The following MAMLD1 variants were observed in gnomAD, a reference collection of about 807,000 sequenced individuals.
MAMLD1 encodes the protein mastermind-like domain-containing protein 1.
In MAMLD1, 14 loss-of-function variants were observed where a neutral mutation model predicts 45.0. The observed-to-expected ratio is 0.31, with a 90% CI of 0.21 to 0.49. MAMLD1 has a LOEUF of 0.49. MAMLD1 is among the 20% of genes least tolerant of loss of function. The probability of loss-of-function intolerance (pLI) is 0.99; values close to 1 mark genes in which losing one functional copy is unlikely to be tolerated. For synonymous variants in MAMLD1, 254 were observed against 247.8 expected (o/e 1.02, Z -0.24); for missense variants, 543 against 603.6 (o/e 0.90, Z 1.05).
rs186952737 is a variant in MAMLD1 at position 150,384,422 on chromosome X, G to A, written c.-64+20892G>A. Reference sequence around the variant, plus strand: ...CCATTTGTATATCTTCTTTGGAGAAGTGTTTATGCAGAGCCTTTGCCCATT... The same window carrying A: ...CCATTTGTATATCTTCTTTGGAGAAATGTTTATGCAGAGCCTTTGCCCATT... On this transcript the variant is annotated intron_variant, in intron 1 of 7. Coordinates refer to ENST00000370401, the MANE Select transcript of MAMLD1 (RefSeq NM_005491.5). 2.0e-4 allele frequency among the ~76,000 whole-genome samples: 22 copies of A among 111,810 alleles called. No homozygotes were observed. In the East Asian group the frequency reaches 5.8e-3, roughly 30 times the overall value.
chrX:150,427,086 C>G (rs1392321909), intron 1 of MAMLD1, among the ~76,000 whole-genome samples: 3 of 111,263 alleles, frequency 2.7e-5, no homozygotes, highest in Non-Finnish European at 3.8e-5. Context: ...AGTGTTCTCT[C>G]TGTGTGCATG....
At position 150,512,315 on chromosome X, in the gene MAMLD1, C is replaced by A. The variant is rs2037924090; in HGVS notation, c.*356C>A. 4 of 1,129,830 alleles carry A rather than the reference C, an allele frequency of 3.5e-6. No homozygotes were observed. In the East Asian group the frequency reaches 1.3e-4, roughly 37 times the overall value. The allele number at this position is 1,129,830 out of a possible 1,213,427, so 93.1% of individuals were successfully genotyped here. On this transcript the variant is annotated 3_prime_UTR_variant, in exon 8 of 8. Transcript: ENST00000370401. Reference sequence around the variant, plus strand: ...GGCCACCCCACCAGAAGTGCCCCTGCCTGGGTTCTGTCCCAGCTCCCTGGG... The same window carrying A: ...GGCCACCCCACCAGAAGTGCCCCTGACTGGGTTCTGTCCCAGCTCCCTGGG...
At chrX:150,445,672 C>G in intron 2 of MAMLD1, 60 bp downstream of exon 2, 1 of 880,517 alleles carries the variant, frequency 1.1e-6, no homozygotes, top group Non-Finnish European at 1.7e-6. Flanking sequence ...TAAACTTGAA[C>G]GTAAGATGTG....
chrX:150,471,489 A>G lies in MAMLD1; in HGVS notation c.1916A>G (p.Gln639Arg). The G allele has an allele frequency of 1.7e-6, 2 of 1,211,245 alleles. No homozygotes were observed. The highest frequency in any genetic ancestry group is 2.2e-6 in the Non-Finnish European group (2 of 894,755). The change falls in exon 4 of 8, where the codon CAG becomes CGG. Residue 639 changes from glutamine to arginine, a missense_variant and splice_region_variant. Physicochemically the swap from Gln to Arg is conservative, Grantham distance 43. Coordinates refer to ENST00000370401, the MANE Select transcript of MAMLD1 (RefSeq NM_005491.5). The stretch of plus-strand genomic sequence containing the variant: ...GATTCCATGCCTGCTCTGCCCAGAC[A>G]GGTAAGACAATCTCATATCTGGCTG... ...ASDSMPALPR[Q>R]GCCHLFAWTS...
At chrX:150,410,865 G>A (rs2034106871) in intron 1 of MAMLD1, among the ~76,000 whole-genome samples, 3 of 112,338 alleles carry the variant, frequency 2.7e-5, no homozygotes, top group Admixed American at 9.4e-5. Flanking sequence ...CTGCCTGTCA[G>A]GATGGCTTAG....
At chrX:150,484,080 C>T (rs1349651163) in intron 5 of MAMLD1, among the ~76,000 whole-genome samples, 3 of 111,871 alleles carry the variant, frequency 2.7e-5, no homozygotes, top group East Asian at 5.5e-4. Context: ...ATAAAGTGAA[C>T]GTTTTTGGAA....
At chrX:150,364,669 A>C (rs1279269115) in intron 1 of MAMLD1, among the ~76,000 whole-genome samples, 3 of 112,627 alleles carry the variant, frequency 2.7e-5, no homozygotes, top group African/African-American at 9.7e-5. Context: ...CGTGCTGCTC[A>C]CGGGTAGGCA....
intron 1 of MAMLD1, among the ~76,000 whole-genome samples, chrX:150,413,517 G>A (rs2034173096): frequency 2.7e-5 from 3 of 110,827 alleles, no homozygotes; most frequent in African/African-American, 9.8e-5. Context: ...AAGAAACCCT[G>A]TTCCACTAAA....
intron 1 of MAMLD1, among the ~76,000 whole-genome samples, chrX:150,414,699 G>A (rs2034207819): frequency 9.0e-6 from 1 of 111,729 alleles, no homozygotes; most frequent in South Asian, 3.8e-4. Flanking sequence ...TCTACATTTG[G>A]GTTATCTGCT....
At chrX:150,403,929 G>GAAA (rs1483226726) in intron 1 of MAMLD1, among the ~76,000 whole-genome samples, 25 of 45,055 alleles carry the variant, frequency 5.5e-4, no homozygotes, top group African/African-American at 1.6e-3. Flanking sequence ...AAGAAAGACA[G>GAAA]AGAAAGAAAG....
At position 150,393,025 on chromosome X, in the gene MAMLD1, C is replaced by T. The variant is rs1158735917; in HGVS notation, c.-64+29495C>T. ...ATGCTGTACATTCTATAAGTTTGAA[C>T]AAATATATGATGACATGTATCCATC... On this transcript the variant is annotated intron_variant, in intron 1 of 7. Transcript: ENST00000370401. 2.7e-5 allele frequency among the ~76,000 whole-genome samples: 3 copies of T among 111,302 alleles called. No homozygotes were observed. In the Admixed American group the frequency reaches 2.9e-4, roughly 11 times the overall value.
In MAMLD1 at chrX:150,470,896, A is replaced by G; in HGVS notation, c.1323A>G (p.Gly441=). 2 of 1,211,502 alleles carry G rather than the reference A, an allele frequency of 1.7e-6. No homozygotes were observed. The highest frequency in any genetic ancestry group is 3.5e-5 in the South Asian group (2 of 56,969). The change falls in exon 4 of 8, where the codon GGA becomes GGG. Residue 441 remains glycine (G), a synonymous_variant. Transcript: ENST00000370401. ...CCTCTACCATCAAAACCCCTCAAGGACACCTGATGTCTGCTCTGCCTGCCA... is the reference window on the plus strand; with the variant it reads ...CCTCTACCATCAAAACCCCTCAAGGGCACCTGATGTCTGCTCTGCCTGCCA... The part of the protein sequence containing the change: ...LMSSTIKTPQ[G]HLMSALPASN...
intron 6 of MAMLD1, among the ~76,000 whole-genome samples, chrX:150,507,004 G>A (rs968655619): frequency 7.1e-5 from 8 of 112,467 alleles, no homozygotes; most frequent in African/African-American, 2.6e-4. Flanking sequence ...GGAGGGGTGT[G>A]ACAGAGGAAG....
chrX:150,441,229 GA>G (rs2035307695), intron 1 of MAMLD1, among the ~76,000 whole-genome samples: 1 of 107,579 alleles, frequency 9.3e-6, no homozygotes, highest in African/African-American at 3.4e-5. Flanking sequence ...TAGCTATTTA[GA>G]AATATACAAT....
intron 5 of MAMLD1, among the ~76,000 whole-genome samples, chrX:150,477,173 G>T (rs1052013988): frequency 9.2e-6 from 1 of 109,059 alleles, no homozygotes; most frequent in Non-Finnish European, 1.9e-5. Flanking sequence ...CCTTTTCCGC[G>T]GGGCAAGCGA....
At chrX:150,475,620 A>T (rs781916982) in intron 5 of MAMLD1, among the ~76,000 whole-genome samples, 3 of 112,423 alleles carry the variant, frequency 2.7e-5, no homozygotes, top group East Asian at 5.6e-4. Context: ...TGGGAGGTTG[A>T]GCAAGCAAGG....
intron 1 of MAMLD1, among the ~76,000 whole-genome samples, chrX:150,397,683 C>A (rs782006090): frequency 3.6e-5 from 4 of 111,228 alleles, no homozygotes; most frequent in Non-Finnish European, 7.5e-5. Flanking sequence ...GTGTTCTTCC[C>A]TGATCACTCC....
intron 5 of MAMLD1, among the ~76,000 whole-genome samples, chrX:150,492,299 C>T (rs1209113027): frequency 6.2e-5 from 7 of 112,881 alleles, no homozygotes; most frequent in Non-Finnish European, 1.3e-4. Flanking sequence ...GGTGCAGTGG[C>T]TTTCCTAACA....
intron 5 of MAMLD1, among the ~76,000 whole-genome samples, chrX:150,479,931 G>A (rs2036702279): frequency 8.9e-6 from 1 of 111,851 alleles, no homozygotes; most frequent in African/African-American, 3.3e-5. Flanking sequence ...GAGTGCAGGA[G>A]TGGATGGTGC....
Sources: gnomAD v4.1 joint callset for allele counts (sites outside exome capture counted in the v4.1 genomes callset) on GRCh38, gnomAD v4.1.1 for gene constraint, MANE v1.5 for transcripts, NCBI Gene and HGNC (gene_info 2026-07-23, HGNC 2026-07-21) for gene names.